The following GNB5 variants were observed in gnomAD, a reference collection of about 807,000 sequenced individuals.
The protein encoded by GNB5 is guanine nucleotide-binding protein subunit beta-5.
A neutral mutation model predicts 55.3 loss-of-function variants in GNB5; 37 were observed. The observed-to-expected ratio is 0.67, with a 90% CI of 0.51 to 0.88. The LOEUF (loss-of-function observed/expected upper bound fraction) is 0.88. Among genes scored for constraint, GNB5 ranks in the 40% least tolerant of loss-of-function variants. GNB5 has a pLI of 0.00. For missense variants in GNB5, 476 were observed against 515.3 expected (o/e 0.92, Z 0.74); for synonymous variants, 219 against 198.5 (o/e 1.10, Z -0.87).
chr15:52,170,692 C>T (rs1363538755), intron 3 of GNB5, among the ~76,000 whole-genome samples: 1 of 151,302 alleles, frequency 6.6e-6, no homozygotes, highest in East Asian at 1.9e-4. Flanking sequence ...GCACATGTAC[C>T]CTGGAACTTA....
chr15:52,172,347 T>G (rs2034569500), intron 3 of GNB5, among the ~76,000 whole-genome samples: 1 of 151,844 alleles, frequency 6.6e-6, no homozygotes, highest in Non-Finnish European at 1.5e-5. Context: ...GGTCTCACTA[T>G]ATTGCCCAGG....
chr15:52,150,367 C>T (rs1475880968), intron 4 of GNB5, among the ~76,000 whole-genome samples: 2 of 152,216 alleles, frequency 1.3e-5, no homozygotes. Context: ...TTTGTCCTTT[C>T]CCCGATTTGC....
Position 52,178,089 on chromosome 15 carries a change from A to G in GNB5, c.238+1679T>C, listed in dbSNP as rs75655306. 4.9e-3 allele frequency among the ~76,000 whole-genome samples: 744 copies of G among 152,290 alleles called. 18 individuals carry two copies. Among genetic ancestry groups the G allele is most frequent in the Admixed American group, 0.026 (397 of 15,292 alleles). The stretch of plus-strand genomic sequence containing the variant: ...AATATCCAGGCATGCAGCCTGCACT[A>G]TTGAATAAGTGAGTTTCTGGAGAAC... On this transcript the variant is annotated intron_variant, in intron 3 of 12. Transcript: ENST00000261837.
At chr15:52,136,535 G>C (rs2033728347) in intron 7 of GNB5, among the ~76,000 whole-genome samples, 1 of 152,174 alleles carries the variant, frequency 6.6e-6, no homozygotes, top group Admixed American at 6.5e-5. Context: ...GGAATGCTGA[G>C]GCTGGTCACG....
Position 52,136,172 on chromosome 15 carries a change from A to ACACACACACACAC in GNB5, c.628-417_628-416insGTGTGTGTGTGTG, listed in dbSNP as rs1168734914. ...CACACACACACACACACACACACAC[A>ACACACACACACAC]CCCTACCTGCTGTATCTGGGTTCAT... On this transcript the variant is annotated intron_variant, in intron 7 of 12. Transcript: ENST00000261837. 2.7e-3 allele frequency among the ~76,000 whole-genome samples: 266 copies of ACACACACACACAC among 100,062 alleles called. 20 individuals are homozygous for ACACACACACACAC. The highest frequency in any genetic ancestry group is 6.5e-3 in the African/African-American group (148 of 22,754). 65.6% of individuals were successfully genotyped at this position (100,062 alleles called of 152,430 possible). A position where few individuals can be genotyped will look rare whatever the true frequency, so the allele number is the denominator to read the frequency against.
At position 52,133,377 on chromosome 15, in the gene GNB5, C is replaced by T. The variant is rs1452984771; in HGVS notation, c.863+1G>A. Reference sequence around the variant, plus strand: ...GTGGCATGAACATTCTACTCACTGACCGGACACTGTTGATGTCAGATTCAT... The same window carrying T: ...GTGGCATGAACATTCTACTCACTGATCGGACACTGTTGATGTCAGATTCAT... On this transcript the variant is annotated splice_donor_variant, in intron 9 of 12. Transcript: ENST00000261837. LOFTEE classifies it high-confidence loss of function. The T allele has an allele frequency of 1.3e-6, 2 of 1,586,780 alleles. No homozygotes were observed. Among genetic ancestry groups the T allele is most frequent in the Non-Finnish European group, 8.7e-7 (1 of 1,155,070 alleles).
At chr15:52,134,930 T>C (rs533130388) in intron 8 of GNB5, among the ~76,000 whole-genome samples, 2 of 152,066 alleles carry the variant, frequency 1.3e-5, no homozygotes, top group South Asian at 4.2e-4. Flanking sequence ...TGTACCATCC[T>C]GGGGAGGGGA....
intron 5 of GNB5, among the ~76,000 whole-genome samples, chr15:52,148,780 C>G (rs1008170864): frequency 6.6e-6 from 1 of 152,226 alleles, no homozygotes; most frequent in Non-Finnish European, 1.5e-5. Flanking sequence ...GGTAGGCTTT[C>G]AGAGGCCAAG....
Position 52,179,765 on chromosome 15 carries a change from C to T in GNB5, c.238+3G>A. 1.3e-6 allele frequency: 2 copies of T among 1,486,716 alleles called. No individual in the cohort carries two copies. Among genetic ancestry groups the T allele is most frequent in the East Asian group, 3.0e-5 (1 of 33,896 alleles). 92.1% of individuals were successfully genotyped at this position (1,486,716 alleles called of 1,614,324 possible). On this transcript the variant is annotated splice_donor_region_variant and intron_variant, in intron 3 of 12. Coordinates refer to ENST00000261837, the MANE Select transcript of GNB5 (RefSeq NM_016194.4). ...CCCCGCCCGCCTCCCGGCCCGCACT[C>T]ACGCTCCACATCGTGCAGCTTGGCT...
intron 3 of GNB5, 69 bp downstream of exon 3, chr15:52,179,699 C>T: frequency 1.0e-6 from 1 of 990,804 alleles, no homozygotes; most frequent in Non-Finnish European, 1.3e-6. Context: ...CCCACCGCCC[C>T]CGCCGTCCCC....
intron 3 of GNB5, among the ~76,000 whole-genome samples, chr15:52,156,593 T>C (rs1396017635): frequency 6.6e-6 from 1 of 152,132 alleles, no homozygotes; most frequent in East Asian, 1.9e-4. Context: ...TGGCTGGATG[T>C]GGTGGCACAT....
intron 2 of GNB5, chr15:52,180,142 T>G: frequency 7.4e-6 from 2 of 270,344 alleles, no homozygotes; most frequent in Non-Finnish European, 1.3e-5. Context: ...ACGCCCATTT[T>G]ACCAGCGGGC....
chr15:52,176,409 C>G (rs2034651602), intron 3 of GNB5, among the ~76,000 whole-genome samples: 1 of 152,238 alleles, frequency 6.6e-6, no homozygotes, highest in Admixed American at 6.5e-5. Context: ...AATGACAGCA[C>G]TGTTGTTTGC....
intron 4 of GNB5, among the ~76,000 whole-genome samples, chr15:52,152,719 C>CAGG: frequency 6.6e-6 from 1 of 152,094 alleles, no homozygotes; most frequent in Admixed American, 6.6e-5. Context: ...CAGCCTTGAC[C>CAGG]TCCTACACCC....
At chr15:52,184,089 C>T (rs143178049) in intron 2 of GNB5, among the ~76,000 whole-genome samples, 3 of 152,300 alleles carry the variant, frequency 2.0e-5, no homozygotes, top group African/African-American at 7.2e-5. Context: ...GTTTATTTGC[C>T]AGCTTCTCTT....
At chr15:52,163,953 G>A (rs2034395799) in intron 3 of GNB5, among the ~76,000 whole-genome samples, 2 of 152,118 alleles carry the variant, frequency 1.3e-5, no homozygotes, top group South Asian at 4.1e-4. Context: ...GGCAATAAGG[G>A]TCTGGAGTGG....
chr15:52,159,287 C>G (rs891561250), intron 3 of GNB5, among the ~76,000 whole-genome samples: 1 of 152,090 alleles, frequency 6.6e-6, no homozygotes, highest in African/African-American at 2.4e-5. Flanking sequence ...CTATCTGTGG[C>G]TGCAGCGTTG....
At chr15:52,136,889 A>G (rs1440637554) in intron 7 of GNB5, 1 of 426,208 alleles carries the variant, frequency 2.3e-6, no homozygotes, top group Non-Finnish European at 4.6e-6. Flanking sequence ...ATGTTAAACC[A>G]TATTGAGACC....
intron 3 of GNB5, among the ~76,000 whole-genome samples, chr15:52,155,311 G>A (rs12902073): frequency 0.15 from 23,583 of 152,168 alleles, 2,230 homozygotes; most frequent in Admixed American, 0.27. Flanking sequence ...GAGGCTTGAC[G>A]GGGCCGTGGC....
Sources: allele counts gnomAD v4.1 joint callset (sites outside exome capture counted in the v4.1 genomes callset), GRCh38; gene constraint gnomAD v4.1.1; transcripts MANE v1.5; gene names NCBI Gene and HGNC (gene_info 2026-07-23, HGNC 2026-07-21).